The following RNF130 variants were observed in gnomAD, a reference collection of about 807,000 sequenced individuals.
RNF130 encodes E3 ubiquitin-protein ligase RNF130.
RNF130 carries 21 observed loss-of-function variants against 44.6 expected under a neutral mutation model. The ratio of observed to expected loss-of-function variants is 0.47; its 90% CI spans 0.33 to 0.68. The LOEUF (loss-of-function observed/expected upper bound fraction) is 0.68, where lower values mean the gene tolerates loss of function less well. RNF130 is among the 30% of genes least tolerant of loss of function. The pLI is 0.02. For missense variants in RNF130, 479 were observed against 560.6 expected (o/e 0.85, Z 1.47); for synonymous variants, 214 against 210.4 (o/e 1.02, Z -0.15).
chr5:180,060,198 T>C (rs1764940462), intron 1 of RNF130, among the ~76,000 whole-genome samples: 1 of 152,172 alleles, frequency 6.6e-6, no homozygotes, highest in African/African-American at 2.4e-5. Flanking sequence ...TAAAACTCAT[T>C]TCAGAATTCT....
chr5:179,928,222 G>T (rs2113674088), intron 7 of RNF130, among the ~76,000 whole-genome samples: 1 of 152,290 alleles, frequency 6.6e-6, no homozygotes, highest in East Asian at 1.9e-4. Context: ...GAGTGGGATT[G>T]CTGGGTCTTA....
At chr5:180,025,473 A>C (rs1275335024) in intron 2 of RNF130, among the ~76,000 whole-genome samples, 1 of 152,222 alleles carries the variant, frequency 6.6e-6, no homozygotes, top group African/African-American at 2.4e-5. Context: ...CTGCTGGTGA[A>C]GGCACTCTCC....
At chr5:179,976,227 T>C (rs1762713348) in intron 5 of RNF130, among the ~76,000 whole-genome samples, 1 of 152,176 alleles carries the variant, frequency 6.6e-6, no homozygotes, top group Admixed American at 6.5e-5. Flanking sequence ...ACTGAAGGGA[T>C]GAAGATAATG....
At chr5:180,031,960 T>C (rs913268583) in intron 2 of RNF130, among the ~76,000 whole-genome samples, 2 of 152,206 alleles carry the variant, frequency 1.3e-5, no homozygotes, top group African/African-American at 4.8e-5. Context: ...GGATGTGAAA[T>C]AGTATTGTTT....
intron 7 of RNF130, among the ~76,000 whole-genome samples, chr5:179,938,599 C>CAA (rs1315823987): frequency 6.6e-5 from 10 of 152,114 alleles, no homozygotes; most frequent in Admixed American, 6.6e-4. Context: ...AGGCATATAA[C>CAA]AAAGACCTAG....
At chr5:179,948,390 C>A (rs1762074989) in intron 7 of RNF130, among the ~76,000 whole-genome samples, 1 of 152,112 alleles carries the variant, frequency 6.6e-6, no homozygotes, top group African/African-American at 2.4e-5. Flanking sequence ...TTGCTCTTGG[C>A]CTGGTGCATT....
chr5:179,939,681 AG>A, intron 7 of RNF130: 1 of 457,242 alleles, frequency 2.2e-6, no homozygotes, highest in Non-Finnish European at 4.3e-6. Flanking sequence ...ATCCAAATGA[AG>A]AAAATCTTCA....
chr5:180,030,643 G>T (rs72813801), intron 2 of RNF130, among the ~76,000 whole-genome samples: 3,550 of 152,198 alleles, frequency 0.023, 39 homozygotes, highest in Middle Eastern at 0.065. Flanking sequence ...ATGTAGCTGG[G>T]ATTACTGATG....
At chr5:180,012,931 T>C (rs1052082956) in intron 3 of RNF130, 130 bp downstream of exon 3, 2 of 1,048,430 alleles carry the variant, frequency 1.9e-6, no homozygotes, top group African/African-American at 1.6e-5. Context: ...GTTTCCAACA[T>C]ATTAAAATGA....
At chr5:179,954,315 A>G (rs115238125), downstream of RNF130, among the ~76,000 whole-genome samples, 346 of 152,358 alleles carry the variant, frequency 2.3e-3, 3 homozygotes, top group African/African-American at 7.9e-3. Flanking sequence ...AGCAACATTC[A>G]TAACAGCCGA....
intron 5 of RNF130, among the ~76,000 whole-genome samples, chr5:179,974,709 A>G (rs1762677178): frequency 6.6e-6 from 1 of 152,248 alleles, no homozygotes; most frequent in African/African-American, 2.4e-5. Context: ...GATGGCTTTG[A>G]AAGAGAGTTT....
At chr5:179,998,613 T>C (rs1016722279) in intron 3 of RNF130, among the ~76,000 whole-genome samples, 1 of 152,048 alleles carries the variant, frequency 6.6e-6, no homozygotes, top group Non-Finnish European at 1.5e-5. Context: ...TCAAATCTTG[T>C]TTTGTGGCTT....
chr5:180,003,707 TTCTAAG>T (rs1434549200), intron 3 of RNF130, among the ~76,000 whole-genome samples: 2 of 152,198 alleles, frequency 1.3e-5, no homozygotes, highest in Non-Finnish European at 2.9e-5. Context: ...AAATTTTTCA[TTCTAAG>T]TCTATTTGCA....
intron 3 of RNF130, among the ~76,000 whole-genome samples, chr5:180,002,237 G>T (rs1357836202): frequency 1.3e-5 from 2 of 152,230 alleles, no homozygotes; most frequent in Non-Finnish European, 2.9e-5. Flanking sequence ...CAAAAGGCAG[G>T]ATACTGCTTC....
chr5:179,998,857 TTTTATATATATATA>T (rs946772670), intron 3 of RNF130, among the ~76,000 whole-genome samples: 2 of 65,232 alleles, frequency 3.1e-5, no homozygotes, highest in African/African-American at 6.4e-5. Flanking sequence ...ATCTAGTATT[TTTTATATATATATA>T]TATATATATA....
intron 1 of RNF130, among the ~76,000 whole-genome samples, chr5:180,048,829 C>T (rs1395997187): frequency 6.6e-6 from 1 of 152,190 alleles, no homozygotes; most frequent in Non-Finnish European, 1.5e-5. Context: ...TGAAGTCACA[C>T]AGCTCCCTGT....
chr5:180,061,483 C>T (rs1439153218), intron 1 of RNF130, among the ~76,000 whole-genome samples: 2 of 152,146 alleles, frequency 1.3e-5, no homozygotes, highest in African/African-American at 4.8e-5. Context: ...TTCTGGGGCC[C>T]CAAAGTCTGG....
chr5:179,928,698 G>A (rs1379784886), intron 7 of RNF130, among the ~76,000 whole-genome samples: 11 of 150,702 alleles, frequency 7.3e-5, no homozygotes, highest in South Asian at 2.1e-4. Flanking sequence ...GTGCGATCTC[G>A]GCTCACTGCA....
chr5:180,065,445 G>A (rs974898207), intron 1 of RNF130, among the ~76,000 whole-genome samples: 80 of 152,256 alleles, frequency 5.3e-4, no homozygotes, highest in African/African-American at 1.8e-3. Flanking sequence ...CACTTGGGAA[G>A]CTGTACAAAG....
Sources: gnomAD v4.1 joint callset for allele counts (sites outside exome capture counted in the v4.1 genomes callset) on GRCh38, gnomAD v4.1.1 for gene constraint, MANE v1.5 for transcripts, NCBI Gene and HGNC (gene_info 2026-07-23, HGNC 2026-07-21) for gene names.